Variants in KCNH7 observed in about 807,000 individuals in gnomAD.
The protein encoded by KCNH7 is potassium voltage-gated channel subfamily H member 7.
A neutral mutation model predicts 120.8 loss-of-function variants in KCNH7; 49 were observed. That is an observed-to-expected ratio of 0.41 (90% CI 0.32 to 0.51). The LOEUF is 0.51. KCNH7 is among the 20% of genes least tolerant of loss of function. The probability of loss-of-function intolerance (pLI) is 0.38; values close to 1 mark genes in which losing one functional copy is unlikely to be tolerated. For synonymous variants in KCNH7, 547 were observed against 516.1 expected, an observed-to-expected ratio of 1.06 and a Z score of -0.81; for missense variants, 1,097 against 1,446.6, an observed-to-expected ratio of 0.76 and a Z score of 3.92.
chr2:162,742,268 TTTTAA>T (rs1328874648), intron 2 of KCNH7, among the ~76,000 whole-genome samples: 2 of 152,216 alleles, frequency 1.3e-5, no homozygotes, highest in African/African-American at 4.8e-5. Flanking sequence ...TTAATTTATC[TTTTAA>T]TTTATTTTTT....
At chr2:162,742,764 T>C (rs866226755) in intron 2 of KCNH7, among the ~76,000 whole-genome samples, 9 of 152,204 alleles carry the variant, frequency 5.9e-5, no homozygotes, top group African/African-American at 2.2e-4. Context: ...GATGGTACTC[T>C]TGAAGTTTAG....
chr2:162,530,308 T>C (rs1691872052), intron 3 of KCNH7, among the ~76,000 whole-genome samples: 1 of 152,056 alleles, frequency 6.6e-6, no homozygotes, highest in Non-Finnish European at 1.5e-5. Flanking sequence ...GCTATGCTTC[T>C]TGTGTAGTCA....
At chr2:162,523,983 G>C (rs1026391731) in intron 3 of KCNH7, among the ~76,000 whole-genome samples, 1 of 151,888 alleles carries the variant, frequency 6.6e-6, no homozygotes, top group Non-Finnish European at 1.5e-5. Flanking sequence ...TGATGAAATA[G>C]GAGAGGATCT....
intron 2 of KCNH7, among the ~76,000 whole-genome samples, chr2:162,574,776 T>C (rs1693613421): frequency 6.6e-6 from 1 of 152,050 alleles, no homozygotes. Flanking sequence ...GAAGCCACAG[T>C]CAGTCCCAGC....
At chr2:162,478,169 C>G (rs941146245) in intron 6 of KCNH7, among the ~76,000 whole-genome samples, 1 of 152,120 alleles carries the variant, frequency 6.6e-6, no homozygotes, top group Admixed American at 6.6e-5. Context: ...TTAGACCGGG[C>G]CTTGGAAAGG....
intron 2 of KCNH7, among the ~76,000 whole-genome samples, chr2:162,791,267 G>A (rs924281790): frequency 2.0e-5 from 3 of 151,994 alleles, no homozygotes; most frequent in African/African-American, 7.2e-5. Flanking sequence ...GCTTTTTGTT[G>A]TTGTTGTTTC....
intron 2 of KCNH7, among the ~76,000 whole-genome samples, chr2:162,644,016 C>T (rs1271885781): frequency 6.6e-6 from 1 of 151,966 alleles, no homozygotes; most frequent in Non-Finnish European, 1.5e-5. Context: ...GAGTCACCAC[C>T]ATACTGCTCT....
intron 8 of KCNH7, 120 bp from the exon 9 acceptor site, chr2:162,423,655 C>A: frequency 2.3e-6 from 2 of 865,610 alleles, no homozygotes; most frequent in South Asian, 2.0e-5. Flanking sequence ...ACCATTGGAT[C>A]ACGGGGAAAA....
chr2:162,711,847 A>T (rs1178198569), intron 2 of KCNH7, among the ~76,000 whole-genome samples: 1 of 152,120 alleles, frequency 6.6e-6, no homozygotes, highest in African/African-American at 2.4e-5. Flanking sequence ...GGCAGGGAAA[A>T]AAAGGAAAAG....
chr2:162,730,144 TC>T (rs1242313515), intron 2 of KCNH7, among the ~76,000 whole-genome samples: 1 of 148,546 alleles, frequency 6.7e-6, no homozygotes, highest in African/African-American at 2.5e-5. Flanking sequence ...CTAGAAGATG[TC>T]GAATGAAAAA....
intron 5 of KCNH7, among the ~76,000 whole-genome samples, chr2:162,511,475 C>T (rs1574046968): frequency 1.5e-5 from 1 of 64,570 alleles, no homozygotes; most frequent in Non-Finnish European, 3.0e-5. Context: ...TCACAGTGGA[C>T]AGGTCAAAAA....
At chr2:162,564,597 A>G (rs1056908353) in intron 2 of KCNH7, among the ~76,000 whole-genome samples, 2 of 152,128 alleles carry the variant, frequency 1.3e-5, no homozygotes, top group Admixed American at 6.6e-5. Context: ...ACATTTATAC[A>G]GGTTATTTTC....
At chr2:162,801,398 A>T (rs1684344270) in intron 2 of KCNH7, among the ~76,000 whole-genome samples, 1 of 151,844 alleles carries the variant, frequency 6.6e-6, no homozygotes, top group Non-Finnish European at 1.5e-5. Context: ...GAATAAAAAA[A>T]TTAGTAAGAT....
chr2:162,714,158 C>G (rs184175367), intron 2 of KCNH7, among the ~76,000 whole-genome samples: 2 of 152,140 alleles, frequency 1.3e-5, no homozygotes, highest in Admixed American at 6.5e-5. Flanking sequence ...TAGCTTGAAC[C>G]TAAATAGTTA....
intron 6 of KCNH7, chr2:162,496,827 T>C (rs760865618): frequency 9.2e-5 from 14 of 152,206 alleles, no homozygotes; most frequent in Non-Finnish European, 1.5e-4. Context: ...ACTTTTTGTT[T>C]GTTGTTGTAT....
chr2:162,709,380 G>C (rs1306374617), intron 2 of KCNH7, among the ~76,000 whole-genome samples: 2 of 151,988 alleles, frequency 1.3e-5, no homozygotes, highest in Non-Finnish European at 2.9e-5. Context: ...TGATGATTGA[G>C]CAAAACCCTG....
chr2:162,542,890 C>T (rs1692360608), intron 2 of KCNH7, among the ~76,000 whole-genome samples: 1 of 152,130 alleles, frequency 6.6e-6, no homozygotes, highest in South Asian at 2.1e-4. Flanking sequence ...GTTCCTATTT[C>T]TCCACATCCT....
At chr2:162,661,545 G>T (rs1205111683) in intron 2 of KCNH7, among the ~76,000 whole-genome samples, 8 of 152,122 alleles carry the variant, frequency 5.3e-5, no homozygotes, top group Non-Finnish European at 1.5e-5. Context: ...TGTCTGTAAG[G>T]CGTAAAAACC....
At chr2:162,833,005 C>T (rs987231514) in intron 2 of KCNH7, among the ~76,000 whole-genome samples, 1 of 146,386 alleles carries the variant, frequency 6.8e-6, no homozygotes, top group Non-Finnish European at 1.5e-5. Flanking sequence ...AAAATTGCTA[C>T]CATAGTGTGT....
Sources: allele counts gnomAD v4.1 joint callset (sites outside exome capture counted in the v4.1 genomes callset), GRCh38; gene constraint gnomAD v4.1.1; transcripts MANE v1.5; gene names NCBI Gene and HGNC (gene_info 2026-07-23, HGNC 2026-07-21).